The following LRRC69 variants were observed in gnomAD, a reference collection of about 807,000 sequenced individuals.
The protein encoded by LRRC69 is leucine rich repeat containing 69.
Under a neutral mutation model 37.8 loss-of-function variants are expected in LRRC69, and 42 were observed. The observed-to-expected ratio is 1.11, with a 90% CI of 0.87 to 1.44. The LOEUF is 1.44. LRRC69 is among the 40% of genes most tolerant of loss of function. The pLI is 0.00. For missense variants in LRRC69, 357 were observed against 401.9 expected (o/e 0.89, Z 0.96); for synonymous variants, 141 against 143.1 (o/e 0.99, Z 0.11).
intron 2 of LRRC69, among the ~76,000 whole-genome samples, chr8:91,126,147 C>T (rs746088108): frequency 2.0e-5 from 3 of 151,978 alleles, no homozygotes; most frequent in Non-Finnish European, 2.9e-5. Context: ...TGCTGCCCAG[C>T]ATGGGTAGAA....
intron 5 of LRRC69, among the ~76,000 whole-genome samples, chr8:91,140,487 C>G (rs1039801575): frequency 3.7e-4 from 56 of 151,878 alleles, no homozygotes; most frequent in African/African-American, 1.3e-3. Flanking sequence ...CCAGAGACTA[C>G]ACTTTATTGT....
At chr8:91,120,707 C>T (rs560854107) in intron 1 of LRRC69, among the ~76,000 whole-genome samples, 11 of 152,208 alleles carry the variant, frequency 7.2e-5, no homozygotes, top group Admixed American at 5.9e-4. Flanking sequence ...GGATGGAGCA[C>T]GACTCAGCTG....
chr8:91,143,646 C>G (rs1014119378), intron 5 of LRRC69, among the ~76,000 whole-genome samples: 4 of 151,964 alleles, frequency 2.6e-5, no homozygotes, highest in African/African-American at 9.7e-5. Context: ...TATGCTTGGA[C>G]TATTTATGGG....
chr8:91,127,063 A>C, intron 2 of LRRC69, 25 bp from the exon 3 acceptor site: 1 of 1,515,680 alleles, frequency 6.6e-7, no homozygotes, highest in South Asian at 1.2e-5. Context: ...AGATGGCTAA[A>C]GTGACTAAAA....
At chr8:91,157,295 C>T in intron 5 of LRRC69, 1 of 1,606,786 alleles carries the variant, frequency 6.2e-7, no homozygotes, top group Non-Finnish European at 8.5e-7. Flanking sequence ...GTGCCTCCTT[C>T]AGCTTCCCAT....
At chr8:91,183,289 G>T (rs931583857) in intron 5 of LRRC69, among the ~76,000 whole-genome samples, 1 of 152,228 alleles carries the variant, frequency 6.6e-6, no homozygotes, top group African/African-American at 2.4e-5. Context: ...TAGAGGGAAT[G>T]TGGGGTGGAT....
At position 91,182,839 on chromosome 8, in the gene LRRC69, A is replaced by G. The variant is rs1406259532; in HGVS notation, c.652-6683A>G. ...AAACAGTTATTACCAAATAATTAAC[A>G]TTTTAAATGTATAATTACAAACTGA... On this transcript the variant is annotated intron_variant, in intron 5 of 7. Coordinates refer to ENST00000448384, the Ensembl canonical transcript of LRRC69. 2.0e-5 allele frequency among the ~76,000 whole-genome samples: 3 copies of G among 152,330 alleles called. No individual in the cohort carries two copies. In the East Asian group the frequency reaches 5.8e-4, roughly 29 times the overall value.
At chr8:91,211,212 T>C (rs1809910033) in intron 7 of LRRC69, among the ~76,000 whole-genome samples, 1 of 151,976 alleles carries the variant, frequency 6.6e-6, no homozygotes, top group South Asian at 2.1e-4. Flanking sequence ...TAAAGGAAAA[T>C]TGTTTTGCTT....
chr8:91,131,440 T>A (rs183966893), intron 3 of LRRC69, among the ~76,000 whole-genome samples: 16 of 152,022 alleles, frequency 1.1e-4, no homozygotes, highest in African/African-American at 3.4e-4. Context: ...AATCTATAGA[T>A]CAATATTAAA....
chr8:91,158,555 C>A, intron 5 of LRRC69: 1 of 1,192,566 alleles, frequency 8.4e-7, no homozygotes. Context: ...ATTTTCACGG[C>A]CATAGCTTCT....
intron 7 of LRRC69, among the ~76,000 whole-genome samples, chr8:91,204,917 A>G (rs1273160848): frequency 6.6e-6 from 1 of 152,228 alleles, no homozygotes; most frequent in Non-Finnish European, 1.5e-5. Context: ...TTGGAAAACA[A>G]CACATAACTT....
At chr8:91,192,774 A>C (rs1004650884) in intron 6 of LRRC69, among the ~76,000 whole-genome samples, 1 of 150,586 alleles carries the variant, frequency 6.6e-6, no homozygotes, top group Admixed American at 6.6e-5. Context: ...AGGTTGCAAA[A>C]ATTTTCTCCC....
At chr8:91,174,967 G>C (rs746249179) in intron 5 of LRRC69, among the ~76,000 whole-genome samples, 2 of 151,978 alleles carry the variant, frequency 1.3e-5, no homozygotes, top group Non-Finnish European at 2.9e-5. Context: ...GAGAAGTAGA[G>C]TTTGACATTT....
intron 7 of LRRC69, among the ~76,000 whole-genome samples, chr8:91,218,543 T>C (rs1017097236): frequency 1.3e-5 from 2 of 152,160 alleles, no homozygotes; most frequent in Non-Finnish European, 2.9e-5. Context: ...TATTTGCTGA[T>C]TGATCAATTT....
intron 5 of LRRC69, among the ~76,000 whole-genome samples, chr8:91,180,873 G>A (rs1295154649): frequency 6.6e-6 from 1 of 152,028 alleles, no homozygotes; most frequent in African/African-American, 2.4e-5. Flanking sequence ...ATGGAAGTGG[G>A]GAAAGAATGA....
At chr8:91,171,515 TG>T (rs1281480523) in intron 5 of LRRC69, among the ~76,000 whole-genome samples, 1 of 152,030 alleles carries the variant, frequency 6.6e-6, no homozygotes, top group African/African-American at 2.4e-5. Context: ...GCCAGATATG[TG>T]GGAGAGTTTT....
At chr8:91,141,312 A>G (rs1279868605) in intron 5 of LRRC69, among the ~76,000 whole-genome samples, 2 of 152,090 alleles carry the variant, frequency 1.3e-5, no homozygotes, top group African/African-American at 4.8e-5. Context: ...GAAGGATACC[A>G]GTCCTTGGAT....
intron 5 of LRRC69, chr8:91,138,855 G>T (rs1299352778): frequency 6.6e-6 from 1 of 151,654 alleles, no homozygotes; most frequent in African/African-American, 2.4e-5. Context: ...ATGAGTTCAA[G>T]ATCAGCCTGG....
rs1416833200 is a variant in LRRC69 at position 91,140,949 on chromosome 8, G to A, written c.651+5210G>A. Reference sequence around the variant, plus strand: ...ATTACAGGCGTGAGCCACCGCGCCCGGCCTCAATATGTGATTTTTAATCAT... The same window carrying A: ...ATTACAGGCGTGAGCCACCGCGCCCAGCCTCAATATGTGATTTTTAATCAT... On this transcript the variant is annotated intron_variant, in intron 5 of 7. Transcript: ENST00000448384. Among the ~76,000 whole-genome samples, 17 of 17,192 alleles carry A rather than the reference G, an allele frequency of 9.9e-4. 8 individuals are homozygous for A. The highest frequency in any genetic ancestry group is 2.7e-3 in the African/African-American group (9 of 3,278). The allele number at this position is 17,192 out of a possible 152,430, so 11.3% of individuals were successfully genotyped here.
Sources: allele counts gnomAD v4.1 joint callset (sites outside exome capture counted in the v4.1 genomes callset), GRCh38; gene constraint gnomAD v4.1.1; transcripts MANE v1.5; gene names NCBI Gene and HGNC (gene_info 2026-07-23, HGNC 2026-07-21).